The following CALCR variants were observed in gnomAD, a reference collection of about 807,000 sequenced individuals.
CALCR encodes the protein calcitonin receptor.
CALCR carries 47 observed loss-of-function variants against 59.5 expected under a neutral mutation model. The observed-to-expected ratio is 0.79, with a 90% confidence interval of 0.63 to 1.01. CALCR has a LOEUF of 1.01. Ranked by LOEUF, CALCR falls within the 50% of genes least tolerant of loss-of-function variation. CALCR has a pLI of 0.00. For missense variants in CALCR, 566 were observed against 597.1 expected (o/e 0.95, Z 0.54); for synonymous variants, 213 against 211.3 (o/e 1.01, Z -0.07).
chr7:93,562,333 C>T (rs1288035766), intron 2 of CALCR, among the ~76,000 whole-genome samples: 1 of 151,838 alleles, frequency 6.6e-6, no homozygotes, highest in Admixed American at 6.6e-5. Context: ...GTGTTAAAAG[C>T]AAAACATATG....
Position 93,503,357 on chromosome 7 carries a change from A to G in CALCR, c.-26-16350T>C, listed in dbSNP as rs186309157. Among the ~76,000 whole-genome samples the G allele has an allele frequency of 6.5e-4, 99 of 152,258 alleles. 1 individual carries two copies. Among genetic ancestry groups the G allele is most frequent in the African/African-American group, 2.3e-3 (96 of 41,538 alleles). On this transcript the variant is annotated intron_variant, in intron 2 of 13. Transcript: ENST00000426151. ...ACAACATTAAGGCCAAAGTTAACAT[A>G]TCATGAATACATATGCTTTTTCTGA...
intron 9 of CALCR, among the ~76,000 whole-genome samples, chr7:93,442,594 C>T (rs1051652026): frequency 1.3e-5 from 2 of 152,084 alleles, no homozygotes; most frequent in African/African-American, 4.8e-5. Flanking sequence ...TTTAAAAAAT[C>T]CCTTGGATTG....
intron 2 of CALCR, among the ~76,000 whole-genome samples, chr7:93,560,024 TA>T (rs918207817): frequency 6.6e-6 from 1 of 152,144 alleles, no homozygotes; most frequent in African/African-American, 2.4e-5. Context: ...AACAGCTATT[TA>T]AAATCCAACT....
intron 2 of CALCR, among the ~76,000 whole-genome samples, chr7:93,490,926 C>CA (rs926956404): frequency 9.3e-5 from 14 of 150,442 alleles, no homozygotes; most frequent in South Asian, 2.1e-4. Flanking sequence ...CGTATGGGAT[C>CA]AAAAAAAAAC....
intron 2 of CALCR, among the ~76,000 whole-genome samples, chr7:93,557,558 A>G (rs1374573972): frequency 6.6e-6 from 1 of 151,842 alleles, no homozygotes; most frequent in African/African-American, 2.4e-5. Context: ...TAGTTGACAT[A>G]TTATTATTTT....
At chr7:93,427,288 G>T (rs1799550424) in intron 13 of CALCR, among the ~76,000 whole-genome samples, 1 of 152,142 alleles carries the variant, frequency 6.6e-6, no homozygotes, top group Non-Finnish European at 1.5e-5. Flanking sequence ...ACTGAAAACA[G>T]TACCACAGAC....
At chr7:93,494,119 C>T (rs1226335694) in intron 2 of CALCR, among the ~76,000 whole-genome samples, 5 of 151,384 alleles carry the variant, frequency 3.3e-5, no homozygotes, top group Non-Finnish European at 7.4e-5. Context: ...TGACATGATC[C>T]TACTCATTAA....
intron 8 of CALCR, among the ~76,000 whole-genome samples, chr7:93,445,822 A>G (rs540615281): frequency 6.6e-6 from 1 of 152,212 alleles, no homozygotes; most frequent in East Asian, 1.9e-4. Context: ...GTACTTAGGA[A>G]CATCATACAG....
At chr7:93,433,244 A>G (rs139343272) in intron 13 of CALCR, among the ~76,000 whole-genome samples, 61 of 152,340 alleles carry the variant, frequency 4.0e-4, no homozygotes, top group African/African-American at 1.3e-3. Context: ...AATGGCTAGA[A>G]ATGTTTCTAA....
chr7:93,428,060 T>C (rs1799568311), intron 13 of CALCR, among the ~76,000 whole-genome samples: 1 of 152,206 alleles, frequency 6.6e-6, no homozygotes, highest in African/African-American at 2.4e-5. Flanking sequence ...ACTTTATATC[T>C]AAAGTGATTT....
At chr7:93,565,398 A>G (rs1444698915) in intron 2 of CALCR, among the ~76,000 whole-genome samples, 1 of 152,246 alleles carries the variant, frequency 6.6e-6, no homozygotes, top group Non-Finnish European at 1.5e-5. Context: ...TGGACTCCAC[A>G]TTGCTACTCT....
chr7:93,439,517 G>A (rs1169101459), intron 9 of CALCR, among the ~76,000 whole-genome samples: 2 of 152,198 alleles, frequency 1.3e-5, no homozygotes, highest in African/African-American at 2.4e-5. Flanking sequence ...CTGGAGACGA[G>A]TATAGACCCC....
chr7:93,441,506 G>GA (rs1799902903), intron 9 of CALCR: 2 of 455,404 alleles, frequency 4.4e-6, no homozygotes, highest in Non-Finnish European at 8.8e-6. Context: ...ATACGGATGA[G>GA]AAGGCCAGGG....
At chr7:93,517,200 C>T (rs1563004586) in intron 2 of CALCR, among the ~76,000 whole-genome samples, 1 of 150,478 alleles carries the variant, frequency 6.6e-6, no homozygotes, top group Non-Finnish European at 1.5e-5. Context: ...ATCACGCTGC[C>T]AGGCACAAAG....
chr7:93,487,011 G>GA lies in CALCR; in HGVS notation c.-26-5dup. ...GATTTTTGAAGATCTCTTTGTCCTAGAAAAATATAAAAGCAACAAAGACTA... is the reference window on the plus strand; with the variant it reads ...GATTTTTGAAGATCTCTTTGTCCTAGAAAAAATATAAAAGCAACAAAGACTA... On this transcript the variant is annotated splice_region_variant and splice_polypyrimidine_tract_variant and intron_variant, in intron 2 of 13. Transcript: ENST00000426151. 1 of 1,507,022 alleles carries GA rather than the reference G, an allele frequency of 6.6e-7. No individual in the cohort carries two copies. Among genetic ancestry groups the GA allele is most frequent in the Non-Finnish European group, 9.2e-7 (1 of 1,090,358 alleles). The allele number at this position is 1,507,022 out of a possible 1,614,324, so 93.4% of individuals were successfully genotyped here.
intron 2 of CALCR, among the ~76,000 whole-genome samples, chr7:93,517,998 C>T (rs956135838): frequency 2.0e-5 from 3 of 151,766 alleles, no homozygotes; most frequent in Non-Finnish European, 4.4e-5. Context: ...AAAATGGGTT[C>T]CTTCTTCAGT....
intron 2 of CALCR, among the ~76,000 whole-genome samples, chr7:93,569,264 T>C (rs572316727): frequency 6.6e-6 from 1 of 152,174 alleles, no homozygotes; most frequent in East Asian, 1.9e-4. Context: ...CTATATTAAC[T>C]CCTTCAAGGA....
chr7:93,424,599 A>G lies in CALCR; in HGVS notation c.*1757T>C, dbSNP rs373937172. 2 of 152,780 alleles carry G rather than the reference A, an allele frequency of 1.3e-5. No homozygotes were observed. Among genetic ancestry groups the G allele is most frequent in the Non-Finnish European group, 2.9e-5 (2 of 68,018 alleles). The allele number at this position is 152,780 out of a possible 1,614,324, so 9.5% of individuals were successfully genotyped here. On this transcript the variant is annotated 3_prime_UTR_variant, in exon 14 of 14. Transcript: ENST00000426151. ...ATATACACAAGCATAAGCATTTCAC[A>G]TAATTTGGGCAGAACTATGTGCAAT...
At chr7:93,461,391 A>G (rs1269697872) in intron 7 of CALCR, among the ~76,000 whole-genome samples, 2 of 152,166 alleles carry the variant, frequency 1.3e-5, no homozygotes, top group African/African-American at 4.8e-5. Flanking sequence ...GCCTGTGACA[A>G]GGTACTGAAT....
Sources: allele counts gnomAD v4.1 joint callset (sites outside exome capture counted in the v4.1 genomes callset), GRCh38; gene constraint gnomAD v4.1.1; transcripts MANE v1.5; gene names NCBI Gene and HGNC (gene_info 2026-07-23, HGNC 2026-07-21).